The following PRLR variants were observed in gnomAD, a reference collection of about 807,000 sequenced individuals.
PRLR encodes prolactin receptor.
In PRLR, 13 loss-of-function variants were observed where a neutral mutation model predicts 40.2. That is an observed-to-expected ratio of 0.32 (90% CI 0.21 to 0.51). The LOEUF (loss-of-function observed/expected upper bound fraction) is 0.51. PRLR is among the 20% of genes least tolerant of loss of function. PRLR has a pLI of 0.97. For missense variants in PRLR, 656 were observed against 747.3 expected (o/e 0.88, Z 1.42); for synonymous variants, 269 against 278.7 (o/e 0.97, Z 0.35).
intron 5 of PRLR, among the ~76,000 whole-genome samples, chr5:35,076,972 A>G (rs974639987): frequency 1.3e-5 from 2 of 152,224 alleles, no homozygotes; most frequent in Admixed American, 1.3e-4. Flanking sequence ...GAGAAATAAA[A>G]TACTTTACAG....
At chr5:35,155,158 A>G (rs1406916975) in intron 1 of PRLR, among the ~76,000 whole-genome samples, 1 of 152,208 alleles carries the variant, frequency 6.6e-6, no homozygotes, top group East Asian at 1.9e-4. Flanking sequence ...TAAAAACTGA[A>G]GATAAAAAAT....
chr5:35,130,827 G>A (rs2962087), intron 1 of PRLR, among the ~76,000 whole-genome samples: 12 of 152,104 alleles, frequency 7.9e-5, no homozygotes, highest in East Asian at 1.9e-4. Flanking sequence ...CCAATAGGAC[G>A]GATGTTTTTA....
At chr5:35,150,545 AAG>A (rs1191240321) in intron 1 of PRLR, among the ~76,000 whole-genome samples, 1 of 152,212 alleles carries the variant, frequency 6.6e-6, no homozygotes, top group Non-Finnish European at 1.5e-5. Context: ...TTTAATTTAT[AAG>A]ACAGTTAATT....
chr5:35,049,522 A>G, intron 8 of PRLR: 1 of 610,842 alleles, frequency 1.6e-6, no homozygotes, highest in Non-Finnish European at 2.9e-6. Flanking sequence ...ATAACATAAT[A>G]TGTACTTCTG....
intron 1 of PRLR, among the ~76,000 whole-genome samples, chr5:35,227,465 A>AT (rs1165083387): frequency 1.3e-5 from 2 of 152,232 alleles, no homozygotes; most frequent in African/African-American, 4.8e-5. Flanking sequence ...GCTTTAAATG[A>AT]TAACTCATAC....
rs1451637123 is a variant in PRLR, at chr5:35,066,985, G to A, written c.856-883C>T. ...TCACCATGTTAGCCAGGATGGTCTT[G>A]ATCTCCTGACCTCGTGATCTGCCCG... On this transcript the variant is annotated intron_variant, in intron 9 of 9. Coordinates refer to ENST00000618457, the MANE Select transcript of PRLR (RefSeq NM_000949.7). 4.6e-5 allele frequency among the ~76,000 whole-genome samples: 7 copies of A among 152,016 alleles called. 1 individual carries two copies. Among genetic ancestry groups the A allele is most frequent in the East Asian group, 1.9e-4 (1 of 5,144 alleles).
intron 2 of PRLR, among the ~76,000 whole-genome samples, chr5:35,113,518 C>A (rs1391840307): frequency 6.9e-6 from 1 of 145,538 alleles, no homozygotes; most frequent in Admixed American, 6.8e-5. Flanking sequence ...TCCACCCATC[C>A]ATTTATCTAT....
At chr5:35,175,545 C>T (rs905617996) in intron 1 of PRLR, among the ~76,000 whole-genome samples, 4 of 151,048 alleles carry the variant, frequency 2.6e-5, no homozygotes, top group African/African-American at 9.8e-5. Context: ...GATGTGGATG[C>T]CTTGGGAGAA....
At chr5:35,220,528 TACTG>T (rs1039348894) in intron 1 of PRLR, among the ~76,000 whole-genome samples, 22 of 152,346 alleles carry the variant, frequency 1.4e-4, no homozygotes, top group African/African-American at 5.3e-4. Flanking sequence ...TTTTTCATAG[TACTG>T]ACTAATTTAT....
intron 5 of PRLR, among the ~76,000 whole-genome samples, chr5:35,078,463 A>T (rs1014159151): frequency 6.6e-6 from 1 of 152,190 alleles, no homozygotes; most frequent in Non-Finnish European, 1.5e-5. Context: ...GAAGAAATGG[A>T]TAAATTCCTG....
intron 1 of PRLR, among the ~76,000 whole-genome samples, chr5:35,226,191 T>C (rs1445645765): frequency 6.6e-6 from 1 of 152,262 alleles, no homozygotes; most frequent in Non-Finnish European, 1.5e-5. Context: ...TTCAGCTACT[T>C]AATTTACTTT....
At chr5:35,149,278 G>T (rs933535483) in intron 1 of PRLR, among the ~76,000 whole-genome samples, 25 of 152,136 alleles carry the variant, frequency 1.6e-4, no homozygotes, top group Non-Finnish European at 3.5e-4. Flanking sequence ...GTGGTTTTGA[G>T]AGCATCTTTA....
intron 1 of PRLR, among the ~76,000 whole-genome samples, chr5:35,147,998 T>C (rs1417208573): frequency 2.0e-5 from 3 of 152,106 alleles, no homozygotes; most frequent in Non-Finnish European, 4.4e-5. Flanking sequence ...TATTTATATG[T>C]ATAATACAGA....
At chr5:35,071,924 TCA>T (rs1769771836) in intron 6 of PRLR, among the ~76,000 whole-genome samples, 1 of 150,532 alleles carries the variant, frequency 6.6e-6, no homozygotes, top group African/African-American at 2.5e-5. Flanking sequence ...AAATGGAGTT[TCA>T]TTCTTGTTGC....
chr5:35,114,123 G>A (rs1289883734), intron 2 of PRLR, among the ~76,000 whole-genome samples: 1 of 152,154 alleles, frequency 6.6e-6, no homozygotes, highest in African/African-American at 2.4e-5. Context: ...AACTGACTTT[G>A]CAGCATGATC....
chr5:35,051,018 T>C (rs1768479110), downstream of PRLR, among the ~76,000 whole-genome samples: 2 of 152,210 alleles, frequency 1.3e-5, no homozygotes, highest in South Asian at 4.1e-4. Flanking sequence ...CTGTAACCCT[T>C]AGAATTTCAT....
rs145059374 is a variant in PRLR, at chr5:35,125,557, A to G, written c.-105-7435T>C. On this transcript the variant is annotated intron_variant, in intron 1 of 9. Transcript: ENST00000618457. ...ATATTAAGAACATTCTTAAAATGTT[A>G]TCTTTGTCCTGATCTCTTAATCCCC... 2.3e-3 allele frequency among the ~76,000 whole-genome samples: 345 copies of G among 152,356 alleles called. 3 individuals carry two copies. The highest frequency in any genetic ancestry group is 6.8e-3 in the Middle Eastern group (2 of 294).
At chr5:35,115,771 A>G (rs532081531) in intron 2 of PRLR, among the ~76,000 whole-genome samples, 3 of 152,112 alleles carry the variant, frequency 2.0e-5, no homozygotes, top group African/African-American at 7.2e-5. Context: ...GGGAGTGATG[A>G]TTACCACTGG....
At chr5:35,168,022 A>T (rs1258391712) in intron 1 of PRLR, among the ~76,000 whole-genome samples, 1 of 152,068 alleles carries the variant, frequency 6.6e-6, no homozygotes, top group African/African-American at 2.4e-5. Flanking sequence ...ATATGGGAAA[A>T]AAAGACCATC....
Sources: allele counts gnomAD v4.1 joint callset (sites outside exome capture counted in the v4.1 genomes callset), GRCh38; gene constraint gnomAD v4.1.1; transcripts MANE v1.5; gene names NCBI Gene and HGNC (gene_info 2026-07-23, HGNC 2026-07-21).